Variants in HDAC9 observed in about 807,000 individuals in gnomAD.
The protein encoded by HDAC9 is MEF-2 interacting transcription repressor (MITR) protein.
HDAC9 carries 41 observed loss-of-function variants against 139.4 expected under a neutral mutation model. The observed-to-expected ratio is 0.29, with a 90% CI of 0.23 to 0.38. The LOEUF is 0.38. Ranked by LOEUF, HDAC9 falls within the 10% of genes least tolerant of loss-of-function variation. The pLI is 1.00. For missense variants in HDAC9, 1,147 were observed against 1,297.0 expected, an observed-to-expected ratio of 0.88 and a Z score of 1.78; for synonymous variants, 517 against 476.2, an observed-to-expected ratio of 1.09 and a Z score of -1.12.
intron 2 of HDAC9, among the ~76,000 whole-genome samples, chr7:18,577,204 C>T (rs1260781125): frequency 1.3e-5 from 2 of 152,216 alleles, no homozygotes. Flanking sequence ...ACAGTGGTGG[C>T]CATGGCTTCT....
intron 1 of HDAC9, among the ~76,000 whole-genome samples, chr7:18,157,415 C>CTAAG (rs1334669830): frequency 6.6e-6 from 1 of 152,094 alleles, no homozygotes; most frequent in Non-Finnish European, 1.5e-5. Context: ...TGAATACCAA[C>CTAAG]TAAGGAGCTG....
At chr7:18,461,806 C>A (rs183303909) in intron 1 of HDAC9, among the ~76,000 whole-genome samples, 7 of 152,196 alleles carry the variant, frequency 4.6e-5, no homozygotes, top group African/African-American at 1.4e-4. Context: ...TAAACTGTTA[C>A]ACTAAAAATG....
At chr7:18,088,369 A>G (rs940303403) in intron 1 of HDAC9, among the ~76,000 whole-genome samples, 1 of 152,208 alleles carries the variant, frequency 6.6e-6, no homozygotes, top group Non-Finnish European at 1.5e-5. Flanking sequence ...ATAAGGAGTA[A>G]GATTTAGGAA....
At chr7:18,288,175 T>C (rs954129842), upstream of HDAC9, among the ~76,000 whole-genome samples, 1 of 152,202 alleles carries the variant, frequency 6.6e-6, no homozygotes, top group African/African-American at 2.4e-5. Flanking sequence ...TGCAGCTCCA[T>C]CAGTGCTCAT....
chr7:18,184,795 A>G (rs1416051061), intron 2 of HDAC9, among the ~76,000 whole-genome samples: 1 of 152,230 alleles, frequency 6.6e-6, no homozygotes, highest in African/African-American at 2.4e-5. Context: ...CAGAACAGCT[A>G]TATAGTTGTG....
chr7:18,921,322 C>A (rs1165452328), intron 22 of HDAC9, among the ~76,000 whole-genome samples: 2 of 152,092 alleles, frequency 1.3e-5, no homozygotes, highest in East Asian at 3.9e-4. Context: ...AAAATTTTTG[C>A]AACCTGCTTA....
chr7:18,816,560 A>G (rs564692381), intron 17 of HDAC9, among the ~76,000 whole-genome samples: 1 of 152,350 alleles, frequency 6.6e-6, no homozygotes, highest in East Asian at 1.9e-4. Flanking sequence ...ATCGGAGCCA[A>G]TTGTTGCACA....
chr7:18,535,496 A>G (rs985714049), intron 2 of HDAC9, among the ~76,000 whole-genome samples: 2 of 151,994 alleles, frequency 1.3e-5, no homozygotes, highest in African/African-American at 4.8e-5. Context: ...TCATAAGATT[A>G]AAATTTGTGA....
chr7:18,347,307 G>A (rs1450503883), intron 1 of HDAC9, among the ~76,000 whole-genome samples: 1 of 152,152 alleles, frequency 6.6e-6, no homozygotes, highest in Admixed American at 6.5e-5. Context: ...ACTCTTAGTT[G>A]TGCAGCCAAG....
intron 1 of HDAC9, among the ~76,000 whole-genome samples, chr7:18,433,415 A>G (rs138671606): frequency 1.3e-5 from 2 of 152,190 alleles, no homozygotes; most frequent in Non-Finnish European, 1.5e-5. Context: ...AGAGAAGGAA[A>G]TAAAAGGCAT....
intron 1 of HDAC9, among the ~76,000 whole-genome samples, chr7:18,387,943 G>GA (rs140295746): frequency 0.27 from 39,211 of 147,446 alleles, 5,407 homozygotes; most frequent in African/African-American, 0.36. Flanking sequence ...TCTGTGGAGA[G>GA]AAAAAAAAAA....
intron 1 of HDAC9, among the ~76,000 whole-genome samples, chr7:18,480,795 C>T (rs370184163): frequency 6.6e-5 from 10 of 152,004 alleles, no homozygotes; most frequent in African/African-American, 2.2e-4. Flanking sequence ...AGTAGAAATA[C>T]AATAATAACT....
chr7:18,318,766 G>T (rs1799828604), intron 1 of HDAC9, among the ~76,000 whole-genome samples: 1 of 152,174 alleles, frequency 6.6e-6, no homozygotes, highest in South Asian at 2.1e-4. Context: ...ACAGAATTAT[G>T]TGAAATACCT....
At chr7:18,585,670 A>G (rs1271437185) in intron 3 of HDAC9, 148 bp downstream of exon 3, 10 of 1,118,008 alleles carry the variant, frequency 8.9e-6, no homozygotes, top group Non-Finnish European at 1.2e-5. Flanking sequence ...TTTACTAGTG[A>G]AAACTTTGGG....
intron 1 of HDAC9, among the ~76,000 whole-genome samples, chr7:18,155,657 A>T (rs1259585930): frequency 6.6e-6 from 1 of 152,166 alleles, no homozygotes; most frequent in Non-Finnish European, 1.5e-5. Flanking sequence ...AATGGAGCTT[A>T]TTATTTGCTT....
intron 1 of HDAC9, among the ~76,000 whole-genome samples, chr7:18,141,685 A>C (rs1257840723): frequency 6.6e-6 from 1 of 151,750 alleles, no homozygotes; most frequent in East Asian, 1.9e-4. Context: ...GTGGGATTGG[A>C]GCTCTTTTTT....
intron 1 of HDAC9, among the ~76,000 whole-genome samples, chr7:18,338,018 T>C (rs1219885048): frequency 1.3e-5 from 2 of 151,760 alleles, no homozygotes; most frequent in Non-Finnish European, 1.5e-5. Flanking sequence ...TATAGAGCAC[T>C]GTGCAACTTT....
intron 2 of HDAC9, among the ~76,000 whole-genome samples, chr7:18,249,223 C>T (rs1000319894): frequency 5.3e-5 from 8 of 152,100 alleles, no homozygotes; most frequent in Non-Finnish European, 8.8e-5. Flanking sequence ...TTTCTTCAGT[C>T]TGGGTGTGGT....
At chr7:18,310,853 C>CTG (rs1799269932) in intron 1 of HDAC9, among the ~76,000 whole-genome samples, 1 of 150,930 alleles carries the variant, frequency 6.6e-6, no homozygotes, top group South Asian at 2.1e-4. Flanking sequence ...CACACACTCT[C>CTG]TTACTAAATT....
Sources: gnomAD v4.1 joint callset for allele counts (sites outside exome capture counted in the v4.1 genomes callset) on GRCh38, gnomAD v4.1.1 for gene constraint, MANE v1.5 for transcripts, NCBI Gene and HGNC (gene_info 2026-07-23, HGNC 2026-07-21) for gene names.